SCYL2: variants seen among roughly 807,000 people sequenced by gnomAD.
SCYL2 encodes SCY1 like pseudokinase 2.
A neutral mutation model predicts 100.4 loss-of-function variants in SCYL2; 36 were observed. That is an observed-to-expected ratio of 0.36 (90% CI 0.27 to 0.47). The LOEUF is 0.47. SCYL2 is among the 20% of genes least tolerant of loss of function. The probability of loss-of-function intolerance (pLI) is 1.00; values close to 1 mark genes in which losing one functional copy is unlikely to be tolerated. For missense variants in SCYL2, 902 were observed against 1,083.9 expected (o/e 0.83, Z 2.36); for synonymous variants, 330 against 359.2 (o/e 0.92, Z 0.92).
chr12:100,318,327 T>G (rs1305661532), intron 10 of SCYL2, among the ~76,000 whole-genome samples: 1 of 148,796 alleles, frequency 6.7e-6, no homozygotes, highest in Admixed American at 6.6e-5. Flanking sequence ...TTTCTTTTCT[T>G]TCTTTTTTTT....
chr12:100,283,215 AT>A, intron 2 of SCYL2, 68 bp downstream of exon 2: 1 of 1,374,946 alleles, frequency 7.3e-7, no homozygotes, highest in Non-Finnish European at 9.9e-7. Flanking sequence ...GCATGTGTGC[AT>A]TTTTATGTTA....
chr12:100,291,838 C>G, intron 3 of SCYL2, 178 bp downstream of exon 3: 1 of 566,872 alleles, frequency 1.8e-6, no homozygotes. Context: ...ATATGTCTCT[C>G]TTTGAAATAT....
intron 17 of SCYL2, among the ~76,000 whole-genome samples, chr12:100,338,244 A>G (rs1000634537): frequency 1.3e-5 from 2 of 152,224 alleles, no homozygotes; most frequent in Admixed American, 6.5e-5. Context: ...GTAATATAGA[A>G]TAAGAAGAAT....
chr12:100,313,380 A>G (rs2096344533), intron 6 of SCYL2, 42 bp from the exon 7 acceptor site: 1 of 904,292 alleles, frequency 1.1e-6, no homozygotes, highest in South Asian at 1.6e-5. Context: ...ATGTCTTTTT[A>G]AATATTTTAT....
intron 12 of SCYL2, 94 bp from the exon 13 acceptor site, chr12:100,329,107 A>T: frequency 3.0e-6 from 2 of 658,568 alleles, no homozygotes; most frequent in Non-Finnish European, 5.5e-6. Flanking sequence ...TACTACACAG[A>T]TTATCAAGGG....
Position 100,292,336 on chromosome 12 carries a change from C to CT in SCYL2, c.335+678dup, listed in dbSNP as rs76210330. On this transcript the variant is annotated intron_variant, in intron 3 of 17. Coordinates refer to ENST00000360820, the MANE Select transcript of SCYL2 (RefSeq NM_017988.6). ...ATTCCCCTCTCTTAATTCAGAAAATCTTAATCAGATCATTTGGTATTTGTG... is the reference window on the plus strand; with the variant it reads ...ATTCCCCTCTCTTAATTCAGAAAATCTTTAATCAGATCATTTGGTATTTGTG... Among the ~76,000 whole-genome samples, 106 of 152,282 alleles carry CT rather than the reference C, an allele frequency of 7.0e-4. 1 individual carries two copies. In the East Asian group the frequency reaches 0.017, roughly 24 times the overall value.
Position 100,267,511 on chromosome 12 carries a change from G to T in SCYL2, c.-310G>T. On this transcript the variant is annotated 5_prime_UTR_variant, in exon 1 of 18. The change creates a new upstream start codon in the 5' untranslated region. Transcript: ENST00000360820. ...ACTCGCGCCCGGGTTAGGCCTCCCA[G>T]GGCCGCTCAGGCTGGTGGGTGTTGC... 1 of 154,998 alleles carries T rather than the reference G, an allele frequency of 6.5e-6. No individual in the cohort carries two copies. The highest frequency in any genetic ancestry group is 1.4e-5 in the Non-Finnish European group (1 of 69,276). 9.6% of individuals were successfully genotyped at this position (154,998 alleles called of 1,614,324 possible).
chr12:100,325,520 C>CA (rs1228871140), intron 11 of SCYL2, among the ~76,000 whole-genome samples: 1 of 152,048 alleles, frequency 6.6e-6, no homozygotes, highest in Admixed American at 6.6e-5. Flanking sequence ...TAGGAATTCC[C>CA]AAATTGTATT....
intron 10 of SCYL2, 55 bp from the exon 11 acceptor site, chr12:100,323,470 C>A: frequency 9.6e-7 from 1 of 1,043,074 alleles, no homozygotes; most frequent in Non-Finnish European, 1.4e-6. Flanking sequence ...TTTGTAATAT[C>A]AGAGAGAAAA....
At chr12:100,272,479 A>G (rs1399963905) in intron 1 of SCYL2, among the ~76,000 whole-genome samples, 1 of 152,130 alleles carries the variant, frequency 6.6e-6, no homozygotes, top group Non-Finnish European at 1.5e-5. Context: ...TTTCAAGGCC[A>G]TAGTCTACCA....
chr12:100,303,966 G>A (rs1481331172), intron 4 of SCYL2, among the ~76,000 whole-genome samples: 1 of 152,232 alleles, frequency 6.6e-6, no homozygotes, highest in African/African-American at 2.4e-5. Flanking sequence ...CCAGAGAGGA[G>A]GAATCTAGAG....
chr12:100,268,553 C>G (rs1167782689), intron 1 of SCYL2, among the ~76,000 whole-genome samples: 2 of 152,122 alleles, frequency 1.3e-5, no homozygotes, highest in African/African-American at 2.4e-5. Context: ...GGAAGGGAAC[C>G]TAATGGAAGG....
intron 3 of SCYL2, among the ~76,000 whole-genome samples, chr12:100,294,436 C>T (rs1356164271): frequency 8.7e-6 from 1 of 115,396 alleles, no homozygotes; most frequent in African/African-American, 3.4e-5. Context: ...GGGGGGGCTC[C>T]TCACTTCCCA....
chr12:100,302,431 G>A (rs1259763394), intron 4 of SCYL2, among the ~76,000 whole-genome samples: 1 of 152,166 alleles, frequency 6.6e-6, no homozygotes, highest in African/African-American at 2.4e-5. Context: ...TTCTTCAGGA[G>A]CTCTTGTAAG....
intron 10 of SCYL2, among the ~76,000 whole-genome samples, chr12:100,319,518 A>G (rs2096353204): frequency 6.6e-6 from 1 of 152,138 alleles, no homozygotes; most frequent in Non-Finnish European, 1.5e-5. Flanking sequence ...GACTTTTGTA[A>G]CTTTGCTAAG....
At chr12:100,295,631 T>G (rs1281816590) in intron 3 of SCYL2, among the ~76,000 whole-genome samples, 1 of 151,912 alleles carries the variant, frequency 6.6e-6, no homozygotes, top group Non-Finnish European at 1.5e-5. Context: ...GAGGTTGCAG[T>G]GAGCCGAGAT....
chr12:100,290,798 A>G (rs1592937139), intron 2 of SCYL2, among the ~76,000 whole-genome samples: 2 of 152,310 alleles, frequency 1.3e-5, no homozygotes, highest in Middle Eastern at 3.4e-3. Context: ...ATCACCTATC[A>G]GTAGAGCTGT....
chr12:100,320,804 G>T (rs991549311), intron 10 of SCYL2, among the ~76,000 whole-genome samples: 1 of 152,048 alleles, frequency 6.6e-6, no homozygotes, highest in African/African-American at 2.4e-5. Context: ...CTTAAAGCCT[G>T]ATCTTCTGTA....
At chr12:100,298,679 G>T (rs1157185797) in intron 4 of SCYL2, among the ~76,000 whole-genome samples, 2 of 149,690 alleles carry the variant, frequency 1.3e-5, no homozygotes, top group African/African-American at 5.1e-5. Flanking sequence ...CACCTCCCAG[G>T]TTCAAGCGAT....
Sources: allele counts gnomAD v4.1 joint callset (sites outside exome capture counted in the v4.1 genomes callset), GRCh38; gene constraint gnomAD v4.1.1; transcripts MANE v1.5; gene names NCBI Gene and HGNC (gene_info 2026-07-23, HGNC 2026-07-21).